Variants in EXD1 observed in about 807,000 individuals in gnomAD.
EXD1 encodes the protein exonuclease 3'-5' domain containing 1.
A neutral mutation model predicts 49.1 loss-of-function variants in EXD1; 63 were observed. That is an observed-to-expected ratio of 1.28 (90% CI 1.05 to 1.58). The LOEUF (loss-of-function observed/expected upper bound fraction) is 1.58. Among genes scored for constraint, EXD1 ranks in the 40% most tolerant of loss-of-function variants. The pLI is 0.00. For synonymous variants in EXD1, 234 were observed against 239.2 expected (o/e 0.98, Z 0.20); for missense variants, 748 against 666.0 (o/e 1.12, Z -1.36).
At chr15:41,209,403 C>A in intron 7 of EXD1, 98 bp downstream of exon 7, 3 of 998,646 alleles carry the variant, frequency 3.0e-6, no homozygotes, top group East Asian at 2.6e-5. Flanking sequence ...GAGTGAGATC[C>A]CATCTCTAAA....
In EXD1 at chr15:41,191,301, T is replaced by G. The variant is rs1030154822; in HGVS notation, c.864+141A>C. 2.8e-5 allele frequency: 20 copies of G among 722,852 alleles called. No individual in the cohort carries two copies. The East Asian group carries it at 4.7e-4, about 17-fold the overall frequency. 44.8% of individuals were successfully genotyped at this position (722,852 alleles called of 1,614,324 possible). On this transcript the variant is annotated intron_variant, in intron 10 of 11. Coordinates refer to ENST00000458580, the MANE Select transcript of EXD1 (RefSeq NM_001286441.2). The stretch of plus-strand genomic sequence containing the variant: ...CCACTTGAGACCAGATATAAACCAT[T>G]CCCATTTGGTACAGTTAAGATTTTG...
intron 11 of EXD1, among the ~76,000 whole-genome samples, chr15:41,185,523 G>T (rs577030012): frequency 2.0e-5 from 3 of 150,886 alleles, no homozygotes; most frequent in South Asian, 2.1e-4. Flanking sequence ...TTTTTGTGGG[G>T]TTTTTTTTGA....
At chr15:41,206,474 G>GAAAAAAAAAAAAAAAAAAACAAAAAAA (rs34195951) in intron 7 of EXD1, among the ~76,000 whole-genome samples, 1 of 87,176 alleles carries the variant, frequency 1.1e-5, no homozygotes. Context: ...ACCCTGTCTC[G>GAAAAAAAAAAAAAAAAAAACAAAAAAA]AAAAAAAAAA....
At chr15:41,207,422 C>A (rs1455879775) in intron 7 of EXD1, among the ~76,000 whole-genome samples, 1 of 151,974 alleles carries the variant, frequency 6.6e-6, no homozygotes, top group African/African-American at 2.4e-5. Flanking sequence ...CCTGTAATCT[C>A]GGCTACTCGG....
rs916897575 is a variant in EXD1 at position 41,191,683 on chromosome 15, CCCCAAGGA to C, written c.721-106_721-99del. 1.4e-4 allele frequency: 169 copies of C among 1,183,314 alleles called. 1 individual carries two copies. Among genetic ancestry groups the C allele is most frequent in the Middle Eastern group, 4.0e-4 (2 of 4,982 alleles). 73.3% of individuals were successfully genotyped at this position (1,183,314 alleles called of 1,614,324 possible). ...TAGAGAAATGTCTAAATAACATTTTCCCCAAGGACCCACACGATAGACCATGTCATCGG... is the reference window on the plus strand; with the variant it reads ...TAGAGAAATGTCTAAATAACATTTTCCCCACACGATAGACCATGTCATCGG... On this transcript the variant is annotated intron_variant, in intron 9 of 11. Coordinates refer to ENST00000458580, the MANE Select transcript of EXD1 (RefSeq NM_001286441.2).
intron 2 of EXD1, among the ~76,000 whole-genome samples, chr15:41,223,278 G>T (rs759870802): frequency 6.6e-6 from 1 of 152,028 alleles, no homozygotes; most frequent in Non-Finnish European, 1.5e-5. Context: ...AAATTAGCTG[G>T]TCTTGGTGGC....
chr15:41,206,457 C>T (rs1595443786), intron 7 of EXD1, among the ~76,000 whole-genome samples: 1 of 118,526 alleles, frequency 8.4e-6, no homozygotes, highest in African/African-American at 3.3e-5. Flanking sequence ...GCCTGGGCAA[C>T]AGAGAGACCC....
chr15:41,230,446 G>T, intron 1 of EXD1, 33 bp downstream of exon 1: 1 of 1,599,652 alleles, frequency 6.3e-7, no homozygotes, highest in Non-Finnish European at 8.6e-7. Context: ...TCATTTTTAA[G>T]ACAAAATAAG....
chr15:41,196,804 T>C (rs1186292913), intron 7 of EXD1, among the ~76,000 whole-genome samples: 1 of 151,848 alleles, frequency 6.6e-6, no homozygotes, highest in Admixed American at 6.6e-5. Context: ...TGACCTCAAA[T>C]GATCCACCCG....
At chr15:41,194,390 A>C (rs1290775706) in intron 9 of EXD1, among the ~76,000 whole-genome samples, 1 of 152,116 alleles carries the variant, frequency 6.6e-6, no homozygotes, top group South Asian at 2.1e-4. Context: ...TGATGGAAGC[A>C]GGGATTACAG....
At chr15:41,217,835 C>T (rs1230703218) in intron 3 of EXD1, among the ~76,000 whole-genome samples, 2 of 151,962 alleles carry the variant, frequency 1.3e-5, no homozygotes, top group Non-Finnish European at 2.9e-5. Context: ...CATCTGGCCT[C>T]GTTTAGGTAC....
rs555283885 is a variant in EXD1 at position 41,230,306 on chromosome 15, C to A, written c.-54+173G>T. Among the ~76,000 whole-genome samples the A allele has an allele frequency of 5.9e-5, 9 of 152,206 alleles. No homozygotes were observed. In the South Asian group the frequency reaches 1.9e-3, roughly 32 times the overall value. ...CCATATTGGTCAGGCTGGTCTCGAA[C>A]TCACGACCTCAGGTGTTCTGCCCAC... On this transcript the variant is annotated intron_variant, in intron 1 of 11. Transcript: ENST00000458580.
intron 1 of EXD1, 126 bp downstream of exon 1, chr15:41,230,353 G>T: frequency 1.0e-6 from 1 of 967,494 alleles, no homozygotes; most frequent in Non-Finnish European, 1.6e-6. Flanking sequence ...AAAGTGCTGG[G>T]ATTACAGGCG....
intron 3 of EXD1, among the ~76,000 whole-genome samples, chr15:41,218,778 C>G (rs1371565425): frequency 6.6e-6 from 1 of 152,196 alleles, no homozygotes; most frequent in Non-Finnish European, 1.5e-5. Context: ...ACAGAGTGTT[C>G]ATGACAGCAT....
intron 7 of EXD1, among the ~76,000 whole-genome samples, chr15:41,198,486 G>C (rs1162707139): frequency 6.6e-6 from 1 of 151,980 alleles, no homozygotes; most frequent in Non-Finnish European, 1.5e-5. Flanking sequence ...GAACCCAGGA[G>C]TTCAAGACCA....
chr15:41,201,035 G>A (rs973977642), intron 7 of EXD1, among the ~76,000 whole-genome samples: 23 of 151,774 alleles, frequency 1.5e-4, no homozygotes, highest in African/African-American at 3.1e-4. Context: ...CACCACACCC[G>A]GCTAATTTTT....
intron 9 of EXD1, among the ~76,000 whole-genome samples, chr15:41,195,231 TAAC>T (rs66631638): frequency 0.21 from 31,649 of 151,886 alleles, 3,596 homozygotes; most frequent in Non-Finnish European, 0.26. Context: ...TAAATAATAA[TAAC>T]AACAACAATA....
At chr15:41,214,667 C>T (rs143259556) in intron 6 of EXD1, among the ~76,000 whole-genome samples, 66 of 152,300 alleles carry the variant, frequency 4.3e-4, no homozygotes, top group African/African-American at 1.5e-3. Flanking sequence ...GTCACACTGA[C>T]CTCCCTGCTG....
intron 2 of EXD1, among the ~76,000 whole-genome samples, chr15:41,220,577 A>G (rs1247771359): frequency 6.6e-6 from 1 of 151,864 alleles, no homozygotes; most frequent in Non-Finnish European, 1.5e-5. Context: ...CACAACTTCT[A>G]GTGTCCACAC....
Sources: gnomAD v4.1 joint callset for allele counts (sites outside exome capture counted in the v4.1 genomes callset) on GRCh38, gnomAD v4.1.1 for gene constraint, MANE v1.5 for transcripts, NCBI Gene and HGNC (gene_info 2026-07-23, HGNC 2026-07-21) for gene names.